Variants in RBFOX2 observed in about 807,000 individuals in gnomAD.
The protein encoded by RBFOX2 is RNA binding fox-1 homolog 2.
A neutral mutation model predicts 49.1 loss-of-function variants in RBFOX2; 10 were observed. That is an observed-to-expected ratio of 0.20 (90% confidence interval 0.13 to 0.35). The LOEUF (loss-of-function observed/expected upper bound fraction) is 0.35. RBFOX2 is among the 10% of genes least tolerant of loss of function. RBFOX2 has a pLI of 1.00. For synonymous variants in RBFOX2, 183 were observed against 187.4 expected, an observed-to-expected ratio of 0.98 and a Z score of 0.19; for missense variants, 323 against 486.9, an observed-to-expected ratio of 0.66 and a Z score of 3.17.
chr22:35,872,120 G>A (rs913630034), intron 1 of RBFOX2, among the ~76,000 whole-genome samples: 6 of 152,216 alleles, frequency 3.9e-5, no homozygotes, highest in African/African-American at 1.4e-4. Flanking sequence ...TACATAGCTA[G>A]AATGGCCTGT....
At chr22:35,990,153 A>G (rs779560802) in intron 1 of RBFOX2, among the ~76,000 whole-genome samples, 2 of 152,210 alleles carry the variant, frequency 1.3e-5, no homozygotes, top group Non-Finnish European at 2.9e-5. Flanking sequence ...ACTGCACTCC[A>G]GCCTGGTGAC....
chr22:35,801,394 T>G (rs966255381), intron 2 of RBFOX2, among the ~76,000 whole-genome samples: 1 of 151,890 alleles, frequency 6.6e-6, no homozygotes, highest in Non-Finnish European at 1.5e-5. Flanking sequence ...TACAATGTAT[T>G]GCTCAACTGT....
At chr22:35,946,606 T>C (rs963618059) in intron 1 of RBFOX2, among the ~76,000 whole-genome samples, 3 of 152,212 alleles carry the variant, frequency 2.0e-5, no homozygotes, top group Non-Finnish European at 4.4e-5. Flanking sequence ...ATATAGTCTA[T>C]GGGAATAAAT....
At chr22:35,802,339 A>G (rs1277325177) in intron 2 of RBFOX2, among the ~76,000 whole-genome samples, 1 of 152,216 alleles carries the variant, frequency 6.6e-6, no homozygotes, top group Admixed American at 6.5e-5. Context: ...CTATGATGGT[A>G]TGAACAGGTC....
rs943062890 is a variant in RBFOX2 at position 36,003,022 on chromosome 22, G to A, written c.186+25218C>T. The stretch of plus-strand genomic sequence containing the variant: ...TCAAAAGACCTTCCTTTCTTCAAAA[G>A]ACACTCCTTGAACTCTTATCCCCTA... On this transcript the variant is annotated intron_variant, in intron 1 of 13. Transcript: ENST00000438146. Among the ~76,000 whole-genome samples, 4 of 152,274 alleles carry A rather than the reference G, an allele frequency of 2.6e-5. No individual in the cohort carries two copies. The East Asian group carries it at 7.7e-4, about 29-fold the overall frequency.
intron 2 of RBFOX2, among the ~76,000 whole-genome samples, chr22:35,799,784 T>C (rs1815723512): frequency 6.6e-6 from 1 of 151,896 alleles, no homozygotes. Context: ...ACCCTGTCTC[T>C]ACAAATAATA....
intron 1 of RBFOX2, among the ~76,000 whole-genome samples, chr22:35,968,890 C>G (rs1375251766): frequency 6.6e-6 from 1 of 152,198 alleles, no homozygotes. Flanking sequence ...TTCACCCCAT[C>G]AATTCCTACG....
At chr22:35,980,276 A>C (rs1333040405) in intron 1 of RBFOX2, among the ~76,000 whole-genome samples, 2 of 152,088 alleles carry the variant, frequency 1.3e-5, no homozygotes, top group African/African-American at 4.8e-5. Context: ...GGGAATCTAT[A>C]TGAGTATATT....
intron 1 of RBFOX2, among the ~76,000 whole-genome samples, chr22:35,889,693 C>T (rs1017794907): frequency 2.0e-5 from 3 of 152,148 alleles, no homozygotes; most frequent in Admixed American, 6.5e-5. Flanking sequence ...CTGTCAAGTA[C>T]GGTACCTATC....
chr22:35,785,733 T>C (rs1318202232), intron 2 of RBFOX2, among the ~76,000 whole-genome samples: 1 of 152,204 alleles, frequency 6.6e-6, no homozygotes, highest in Non-Finnish European at 1.5e-5. Context: ...ATGATTCATG[T>C]GATATAAAAA....
intron 1 of RBFOX2, among the ~76,000 whole-genome samples, chr22:35,896,776 T>C (rs541611346): frequency 6.6e-6 from 1 of 152,322 alleles, no homozygotes; most frequent in South Asian, 2.1e-4. Context: ...TTTCTCTACA[T>C]AGAACCTCTC....
intron 2 of RBFOX2, among the ~76,000 whole-genome samples, chr22:35,797,555 T>C (rs1274014173): frequency 6.6e-6 from 1 of 152,230 alleles, no homozygotes; most frequent in Non-Finnish European, 1.5e-5. Context: ...ATTTTTTTGT[T>C]TTCCTGTGAG....
chr22:35,901,247 C>T (rs2048534548), intron 1 of RBFOX2, among the ~76,000 whole-genome samples: 1 of 152,174 alleles, frequency 6.6e-6, no homozygotes, highest in South Asian at 2.1e-4. Context: ...CTAAATCATA[C>T]CTATTCACTG....
intron 1 of RBFOX2, among the ~76,000 whole-genome samples, chr22:36,025,720 T>C (rs773239359): frequency 2.0e-5 from 3 of 152,264 alleles, no homozygotes; most frequent in African/African-American, 4.8e-5. Context: ...ACTGGACTTA[T>C]AACTTTTAGA....
At position 36,011,804 on chromosome 22, in the gene RBFOX2, A is replaced by G. The variant is rs1301073507; in HGVS notation, c.186+16436T>C. Among the ~76,000 whole-genome samples the G allele has an allele frequency of 2.0e-5, 3 of 152,370 alleles. No individual in the cohort carries two copies. In the East Asian group the frequency reaches 5.8e-4, roughly 29 times the overall value. ...CCATACAAGAAACTGTCAGAAAAAA[A>G]TCACACCAAGAAATAAAAAGACTAA... On this transcript the variant is annotated intron_variant, in intron 1 of 13. Coordinates refer to the RBFOX2 transcript ENST00000438146.
intron 2 of RBFOX2, among the ~76,000 whole-genome samples, chr22:35,802,471 A>T (rs1273688132): frequency 6.6e-6 from 1 of 152,190 alleles, no homozygotes; most frequent in Non-Finnish European, 1.5e-5. Flanking sequence ...ATGTCCTGAG[A>T]AATTGCTTAA....
At chr22:35,967,899 A>G (rs1466477128) in intron 1 of RBFOX2, among the ~76,000 whole-genome samples, 1 of 152,230 alleles carries the variant, frequency 6.6e-6, no homozygotes, top group African/African-American at 2.4e-5. Flanking sequence ...TAAAAGAAAC[A>G]GCAGAATCCA....
chr22:35,779,114 C>T (rs1944568480), intron 3 of RBFOX2, among the ~76,000 whole-genome samples: 1 of 152,054 alleles, frequency 6.6e-6, no homozygotes, highest in Admixed American at 6.6e-5. Flanking sequence ...AGACACGAAG[C>T]CTAAACTCTA....
At chr22:36,015,054 A>G (rs1197106324) in intron 1 of RBFOX2, among the ~76,000 whole-genome samples, 2 of 152,246 alleles carry the variant, frequency 1.3e-5, no homozygotes, top group African/African-American at 4.8e-5. Context: ...TATAATGAGT[A>G]ATGAACAGCA....
Sources: allele counts gnomAD v4.1 joint callset (sites outside exome capture counted in the v4.1 genomes callset), GRCh38; gene constraint gnomAD v4.1.1; transcripts MANE v1.5; gene names NCBI Gene and HGNC (gene_info 2026-07-23, HGNC 2026-07-21).